The following TMEM106B variants were observed in gnomAD, a reference collection of about 807,000 sequenced individuals.
TMEM106B encodes the protein transmembrane protein 106B.
A neutral mutation model predicts 31.1 loss-of-function variants in TMEM106B; 15 were observed. That is an observed-to-expected ratio of 0.48 (90% CI 0.32 to 0.74). The LOEUF (loss-of-function observed/expected upper bound fraction) is 0.74, where lower values mean the gene tolerates loss of function less well. TMEM106B is among the 30% of genes least tolerant of loss of function. The probability of loss-of-function intolerance (pLI) is 0.03; values close to 1 mark genes in which losing one functional copy is unlikely to be tolerated. For synonymous variants in TMEM106B, 126 were observed against 112.5 expected (o/e 1.12, Z -0.76); for missense variants, 283 against 327.3 (o/e 0.86, Z 1.04).
At chr7:12,211,548 G>A (rs976988386) in intron 1 of TMEM106B, 123 bp downstream of exon 1, 2 of 152,594 alleles carry the variant, frequency 1.3e-5, no homozygotes, top group Non-Finnish European at 2.9e-5. Context: ...CCAGCCGCAG[G>A]TACGGCGGCG....
chr7:12,235,928 A>G lies in TMEM106B; in HGVS notation c.*3953A>G, dbSNP rs1442061745. 2 of 151,894 alleles carry G rather than the reference A, an allele frequency of 1.3e-5. No individual in the cohort carries two copies. Among genetic ancestry groups the G allele is most frequent in the Admixed American group, 6.6e-5 (1 of 15,216 alleles). The allele number at this position is 151,894 out of a possible 1,614,324, so 9.4% of individuals were successfully genotyped here. A position where few individuals can be genotyped will look rare whatever the true frequency, so the allele number is the denominator to read the frequency against. The stretch of plus-strand genomic sequence containing the variant: ...CAGCAACTACTTGGCTCAAGTACAT[A>G]TAAGAGTAATTAGTTTTATTCTCTC... On this transcript the variant is annotated 3_prime_UTR_variant, in exon 8 of 8. Transcript: ENST00000396668.
chr7:12,227,864 A>G (rs530940426), intron 4 of TMEM106B, among the ~76,000 whole-genome samples: 1 of 151,712 alleles, frequency 6.6e-6, no homozygotes, highest in Non-Finnish European at 1.5e-5. Context: ...CTTAATTCTC[A>G]TAAGGATTTG....
intron 1 of TMEM106B, among the ~76,000 whole-genome samples, chr7:12,212,549 GTA>G (rs1781601831): frequency 6.6e-6 from 1 of 150,436 alleles, no homozygotes; most frequent in South Asian, 2.1e-4. Flanking sequence ...CATACCATTT[GTA>G]TAGTTTTTTA....
At chr7:12,221,087 AGTGTGTGTGTGT>A (rs71027479) in intron 3 of TMEM106B, among the ~76,000 whole-genome samples, 27 of 150,060 alleles carry the variant, frequency 1.8e-4, no homozygotes, top group African/African-American at 6.6e-4. Context: ...AAGCAAGTAA[AGTGTGTGTGTGT>A]GTGTGTGTGT....
chr7:12,237,661 CACA>C lies in TMEM106B; in HGVS notation c.*5688_*5690del, dbSNP rs1782164172. 6.6e-6 allele frequency: 1 copy of C among 151,844 alleles called. No homozygotes were observed. The highest frequency in any genetic ancestry group is 1.5e-5 in the Non-Finnish European group (1 of 67,958). The allele number at this position is 151,844 out of a possible 1,614,324, so 9.4% of individuals were successfully genotyped here. On this transcript the variant is annotated 3_prime_UTR_variant, in exon 8 of 8. Transcript: ENST00000396668. ...TGTGCAATAGCATTATGTCGAAAAA[CACA>C]ATATATATGCCTTAATAAAAAATAG...
chr7:12,235,667 C>G lies in TMEM106B; in HGVS notation c.*3692C>G, dbSNP rs1014965550. On this transcript the variant is annotated 3_prime_UTR_variant, in exon 8 of 8. Transcript: ENST00000396668. ...GGCATGTGCCCAACTCTCCCGCACC[C>G]CATTTTGTTTGTCTTTTAAAGTTCT... is the stretch of plus-strand genomic sequence containing the variant. The G allele has an allele frequency of 6.6e-6, 1 of 151,712 alleles. No individual in the cohort carries two copies. Among genetic ancestry groups the G allele is most frequent in the Non-Finnish European group, 1.5e-5 (1 of 67,818 alleles). 9.4% of individuals were successfully genotyped at this position (151,712 alleles called of 1,614,324 possible). A position where few individuals can be genotyped will look rare whatever the true frequency, so the allele number is the denominator to read the frequency against.
rs1291831079 is a variant in TMEM106B, at chr7:12,237,050, CACTT to C, written c.*5079_*5082del. 10 of 150,320 alleles carry C rather than the reference CACTT, an allele frequency of 6.7e-5. No homozygotes were observed. The highest frequency in any genetic ancestry group is 1.2e-4 in the Non-Finnish European group (8 of 67,954). 9.3% of individuals were successfully genotyped at this position (150,320 alleles called of 1,614,324 possible). On this transcript the variant is annotated 3_prime_UTR_variant, in exon 8 of 8. Transcript: ENST00000396668. ...TTATGTAGTAGCCTCCATCATGACA[CACTT>C]ACTACATTTATGAATTGAGCAGTTC...
At chr7:12,224,853 A>G (rs1046237387) in intron 4 of TMEM106B, among the ~76,000 whole-genome samples, 2 of 151,524 alleles carry the variant, frequency 1.3e-5, no homozygotes, top group Non-Finnish European at 2.9e-5. Context: ...GTAAATTAGC[A>G]TATGTGAAAA....
chr7:12,218,475 G>A lies in TMEM106B; in HGVS notation c.235G>A (p.Val79Met). 4 of 1,612,582 alleles carry A rather than the reference G, an allele frequency of 2.5e-6. No individual in the cohort carries two copies. Among genetic ancestry groups the A allele is most frequent in the Non-Finnish European group, 2.5e-6 (3 of 1,179,280 alleles). The stretch of plus-strand genomic sequence containing the variant: ...ACATTTAGGGCAAGAAAACCAACTG[G>A]TGGCATTGATTCCATATAGTGATCA... ...RIPRGQENQL[V>M]ALIPYSDQRL... Residue 79 changes from valine (V) to methionine (M), a missense_variant, in exon 3 of 8, where the codon GTG (valine) becomes ATG (methionine). Val to Met is a conservative substitution (Grantham distance 21). Transcript: ENST00000396668.
rs190740170 is a variant in TMEM106B at position 12,219,797 on chromosome 7, G to A, written c.281+1276G>A. On this transcript the variant is annotated intron_variant, in intron 3 of 7. Coordinates refer to ENST00000396668, the MANE Select transcript of TMEM106B (RefSeq NM_001134232.2). ...AATGAAAACATCAACAACAAATTGT[G>A]TAAAGGATTTGAGAGAAAATGTCTA... Among the ~76,000 whole-genome samples the A allele has an allele frequency of 2.8e-4, 43 of 152,232 alleles. No homozygotes were observed. In the East Asian group the frequency reaches 7.1e-3, roughly 25 times the overall value.
At chr7:12,226,803 T>G (rs1781910863) in intron 4 of TMEM106B, among the ~76,000 whole-genome samples, 3 of 152,180 alleles carry the variant, frequency 2.0e-5, no homozygotes, top group Admixed American at 1.3e-4. Context: ...TACGTATATG[T>G]GAATAAAACG....
Position 12,236,739 on chromosome 7 carries a change from A to ATTG in TMEM106B, c.*4766_*4768dup. On this transcript the variant is annotated 3_prime_UTR_variant, in exon 8 of 8. Transcript: ENST00000396668. ...GATAGTACTATTCATCTTTTTTATT[A>ATTG]TTGTGTCAGATGAAACAAATGCCAA... 1.3e-5 allele frequency: 2 copies of ATTG among 152,062 alleles called. No homozygotes were observed. The highest frequency in any genetic ancestry group is 4.8e-5 in the African/African-American group (2 of 41,546). The allele number at this position is 152,062 out of a possible 1,614,324, so 9.4% of individuals were successfully genotyped here. A position where few individuals can be genotyped will look rare whatever the true frequency, so the allele number is the denominator to read the frequency against.
At chr7:12,220,317 G>A (rs1219887771) in intron 3 of TMEM106B, among the ~76,000 whole-genome samples, 1 of 152,114 alleles carries the variant, frequency 6.6e-6, no homozygotes, top group Non-Finnish European at 1.5e-5. Flanking sequence ...TTTACAGGAT[G>A]AAGACAAAAC....
intron 3 of TMEM106B, among the ~76,000 whole-genome samples, chr7:12,219,836 GA>G (rs1490503127): frequency 1.3e-5 from 2 of 152,134 alleles, no homozygotes; most frequent in African/African-American, 4.8e-5. Context: ...GTCACATAAA[GA>G]AAACTAAACA....
chr7:12,223,309 G>A (rs192326089), intron 3 of TMEM106B, among the ~76,000 whole-genome samples: 14 of 151,842 alleles, frequency 9.2e-5, no homozygotes, highest in Admixed American at 8.5e-4. Flanking sequence ...ACTAATTATA[G>A]TAAGAATCAT....
At chr7:12,222,303 A>G (rs549269100) in intron 3 of TMEM106B, among the ~76,000 whole-genome samples, 1 of 152,260 alleles carries the variant, frequency 6.6e-6, no homozygotes, top group East Asian at 1.9e-4. Context: ...TGTAATGGAG[A>G]CATATATTTT....
At position 12,232,405 on chromosome 7, in the gene TMEM106B, C is replaced by G. The variant is rs942876467; in HGVS notation, c.*430C>G. 5 of 152,102 alleles carry G rather than the reference C, an allele frequency of 3.3e-5. No homozygotes were observed. Among genetic ancestry groups the G allele is most frequent in the African/African-American group, 1.2e-4 (5 of 41,348 alleles). 9.4% of individuals were successfully genotyped at this position (152,102 alleles called of 1,614,324 possible). ...TCATGGAAGACTTTTAAAGAATAAC[C>G]TTTTTTCCTGTTTTATAAATTCCCA... On this transcript the variant is annotated 3_prime_UTR_variant, in exon 8 of 8. Coordinates refer to ENST00000396668, the MANE Select transcript of TMEM106B (RefSeq NM_001134232.2).
At chr7:12,219,765 C>T (rs946525049) in intron 3 of TMEM106B, among the ~76,000 whole-genome samples, 12 of 151,856 alleles carry the variant, frequency 7.9e-5, no homozygotes, top group African/African-American at 2.7e-4. Context: ...AGAACATAAA[C>T]GGGAGGAATG....
chr7:12,215,401 ATTT>A (rs536072939), intron 2 of TMEM106B, among the ~76,000 whole-genome samples: 5 of 135,466 alleles, frequency 3.7e-5, no homozygotes, highest in Non-Finnish European at 3.2e-5. Context: ...TTGTTGACCT[ATTT>A]TTTTTTTTTT....
Sources: allele counts gnomAD v4.1 joint callset (sites outside exome capture counted in the v4.1 genomes callset), GRCh38; gene constraint gnomAD v4.1.1; transcripts MANE v1.5; gene names NCBI Gene and HGNC (gene_info 2026-07-23, HGNC 2026-07-21).